The following OSBPL3 variants were observed in gnomAD, a reference collection of about 807,000 sequenced individuals.
OSBPL3 encodes the protein oxysterol binding protein like 3, also known as oxysterol-binding protein-related protein 3.
Under a neutral mutation model 120.1 loss-of-function variants are expected in OSBPL3, and 65 were observed. The ratio of observed to expected loss-of-function variants is 0.54; its 90% confidence interval spans 0.44 to 0.67. OSBPL3 has a LOEUF of 0.67. OSBPL3 is among the 30% of genes least tolerant of loss of function. The probability of loss-of-function intolerance (pLI) is 0.00; values close to 1 mark genes in which losing one functional copy is unlikely to be tolerated. For synonymous variants in OSBPL3, 416 were observed against 402.6 expected (o/e 1.03, Z -0.40); for missense variants, 1,004 against 1,082.1 (o/e 0.93, Z 1.01).
intron 1 of OSBPL3, among the ~76,000 whole-genome samples, chr7:24,920,362 A>T (rs1411666651): frequency 6.6e-6 from 1 of 152,254 alleles, no homozygotes; most frequent in East Asian, 1.9e-4. Flanking sequence ...AAAACATTAC[A>T]CTAAGTGAAG....
rs1293508714 is a variant in OSBPL3, at chr7:24,852,108, T to C, written c.1158+396A>G. ...ATTGGAAATTTCACTCTGCCACCTG[T>C]CATTTGGAAAGTAAGGCTAAGCTTG... On this transcript the variant is annotated intron_variant, in intron 11 of 22. Transcript: ENST00000313367. This position sits in a 1 kb window ranked among gnomAD's most constrained non-coding sequence, Gnocchi z 4.1. Among the ~76,000 whole-genome samples, 3 of 152,224 alleles carry C rather than the reference T, an allele frequency of 2.0e-5. No individual in the cohort carries two copies. Among genetic ancestry groups the C allele is most frequent in the Non-Finnish European group, 2.9e-5 (2 of 68,040 alleles).
At chr7:24,828,716 G>A (rs1374168708) in intron 16 of OSBPL3, among the ~76,000 whole-genome samples, 1 of 148,582 alleles carries the variant, frequency 6.7e-6, no homozygotes, top group Non-Finnish European at 1.5e-5. Context: ...TTTTGTTTAA[G>A]CCTTACTACA....
rs1241955889 is a variant in OSBPL3 at position 24,808,293 on chromosome 7, T to G, written c.2318-1391A>C. Among the ~76,000 whole-genome samples, 1 of 152,216 alleles carries G rather than the reference T, an allele frequency of 6.6e-6. No homozygotes were observed. Among genetic ancestry groups the G allele is most frequent in the Non-Finnish European group, 1.5e-5 (1 of 68,040 alleles). On this transcript the variant is annotated intron_variant, in intron 20 of 22. Transcript: ENST00000313367. The surrounding 1 kb of genome is among the most constrained non-coding windows in gnomAD (Gnocchi z 4.6). Reference sequence around the variant, plus strand: ...ATAAAAATAGTAGCAAAGTTTCCTATGGTGTCTTGGTCAGCTCCCCAGTAA... The same window carrying G: ...ATAAAAATAGTAGCAAAGTTTCCTAGGGTGTCTTGGTCAGCTCCCCAGTAA...
Position 24,834,506 on chromosome 7 carries a change from G to T in OSBPL3, c.1726C>A (p.Pro576Thr), listed in dbSNP as rs776099067. Residue 576 changes from proline to threonine, a missense_variant, in exon 15 of 23, where the codon CCC becomes ACC. This residue lies in a region of OSBPL3 where 473 missense variants were observed against 568.0 expected (regional missense o/e 0.83). Coordinates refer to ENST00000313367, the MANE Select transcript of OSBPL3 (RefSeq NM_015550.4). The surrounding 1 kb of genome is among the most constrained non-coding windows in gnomAD (Gnocchi z 5.2). The part of the protein sequence containing the change: ...SELLDKAAQI[P>T]SPLERMVYVA... ...CTCACCATCCTTTCCAGGGGGCTGG[G>T]AATCTGCGCGGCCTTGTCCAGGAGC... The T allele has an allele frequency of 2.4e-5, 38 of 1,611,956 alleles. No homozygotes were observed. The highest frequency in any genetic ancestry group is 3.3e-5 in the Admixed American group (2 of 59,860).
Position 24,852,530 on chromosome 7 carries a change from T to A in OSBPL3, c.1132A>T (p.Ile378Phe). The change falls in exon 11 of 23, where the codon ATT becomes TTT. Residue 378 changes from isoleucine (I) to phenylalanine (F), a missense_variant. Ile to Phe is a conservative substitution (Grantham distance 21, BLOSUM62 0). Transcript: ENST00000313367. This position sits in a 1 kb window ranked among gnomAD's most constrained non-coding sequence, Gnocchi z 4.1. Reference sequence around the variant, plus strand: ...GATGACAGGGCGTTCTTCAGACCAATGACCTGAGCAGACGGGGAGGAGGAG... The same window carrying A: ...GATGACAGGGCGTTCTTCAGACCAAAGACCTGAGCAGACGGGGAGGAGGAG... ...DASSSPSAQV[I>F]GLKNALSSAL... 1 of 1,598,364 alleles carries A rather than the reference T, an allele frequency of 6.3e-7. No individual in the cohort carries two copies.
chr7:24,826,823 C>T (rs1293526794), intron 16 of OSBPL3, among the ~76,000 whole-genome samples: 5 of 152,140 alleles, frequency 3.3e-5, no homozygotes, highest in South Asian at 2.1e-4. Flanking sequence ...GTCTTTTAGA[C>T]GAGAAACAAT....
In OSBPL3 at chr7:24,804,424, C is replaced by G. The variant is rs779633312; in HGVS notation, c.2458G>C (p.Gly820Arg). 1 of 1,613,776 alleles carries G rather than the reference C, an allele frequency of 6.2e-7. No homozygotes were observed. Among genetic ancestry groups the G allele is most frequent in the Middle Eastern group, 1.7e-4 (1 of 6,052 alleles). ...TGTATTTCAGCTTCTTCTAAGTTCC[C>G]TTCCTCTAGAAACCTGAGGCATCGA... ...FRPDQRFLEE[G>R]NLEEAEIQKQ... Residue 820 changes from glycine to arginine, a missense_variant, in exon 22 of 23, where the codon GGG (glycine) becomes CGG (arginine). Coordinates refer to ENST00000313367, the MANE Select transcript of OSBPL3 (RefSeq NM_015550.4). The surrounding 1 kb of genome is among the most constrained non-coding windows in gnomAD (Gnocchi z 5.4).
intron 10 of OSBPL3, among the ~76,000 whole-genome samples, chr7:24,858,507 G>A (rs1003065341): frequency 2.6e-5 from 4 of 152,194 alleles, no homozygotes; most frequent in African/African-American, 9.7e-5. Flanking sequence ...CCCTGAACCA[G>A]GAAAAGGAAG....
At chr7:24,850,483 G>A (rs1799011363) in intron 11 of OSBPL3, among the ~76,000 whole-genome samples, 1 of 152,194 alleles carries the variant, frequency 6.6e-6, no homozygotes, top group Admixed American at 6.5e-5. Flanking sequence ...AGGGCCTGCA[G>A]GACCGACCTG....
In OSBPL3 at chr7:24,872,564, G is replaced by C. The variant is rs1037206552; in HGVS notation, c.97-495C>G. Among the ~76,000 whole-genome samples, 2 of 151,586 alleles carry C rather than the reference G, an allele frequency of 1.3e-5. No homozygotes were observed. Among genetic ancestry groups the C allele is most frequent in the African/African-American group, 2.4e-5 (1 of 41,256 alleles). Reference sequence around the variant, plus strand: ...TGCAAATCAGTAAATATGACAACTTGATTGAAATAATTATTTTGTTGAAAA... The same window carrying C: ...TGCAAATCAGTAAATATGACAACTTCATTGAAATAATTATTTTGTTGAAAA... On this transcript the variant is annotated intron_variant, in intron 2 of 22. Transcript: ENST00000313367. The surrounding 1 kb of genome is among the most constrained non-coding windows in gnomAD (Gnocchi z 4.1).
At chr7:24,927,278 G>A (rs1275494988) in intron 1 of OSBPL3, among the ~76,000 whole-genome samples, 1 of 152,164 alleles carries the variant, frequency 6.6e-6, no homozygotes, top group African/African-American at 2.4e-5. Flanking sequence ...TTTCTGAATA[G>A]CATTTTTATA....
intron 16 of OSBPL3, among the ~76,000 whole-genome samples, chr7:24,828,776 TA>T (rs35580280): frequency 1.3e-5 from 2 of 151,404 alleles, no homozygotes; most frequent in African/African-American, 4.8e-5. Flanking sequence ...TTTTTTTTTT[TA>T]AAAAGGAAGG....
At chr7:24,917,468 TACAC>T (rs10573041) in intron 1 of OSBPL3, among the ~76,000 whole-genome samples, 35,225 of 111,488 alleles carry the variant, frequency 0.32, 6,024 homozygotes, top group East Asian at 0.56. Flanking sequence ...TATATATATA[TACAC>T]ACACACACAC....
rs1347615003 is a variant in OSBPL3, at chr7:24,867,769, T to G, written c.382-1532A>C. Among the ~76,000 whole-genome samples, 3 of 152,300 alleles carry G rather than the reference T, an allele frequency of 2.0e-5. No homozygotes were observed. The highest frequency in any genetic ancestry group is 7.2e-5 in the African/African-American group (3 of 41,572). ...ACAATATGTTAATGAATGTGAAAGT[T>G]ATTTAAAAAAACATTTCTCCCACTC... On this transcript the variant is annotated intron_variant, in intron 5 of 22. Coordinates refer to ENST00000313367, the MANE Select transcript of OSBPL3 (RefSeq NM_015550.4). This position sits in a 1 kb window ranked among gnomAD's most constrained non-coding sequence, Gnocchi z 4.5.
At position 24,821,076 on chromosome 7, in the gene OSBPL3, A is replaced by C. The variant is rs189887844; in HGVS notation, c.1885-838T>G. 2.0e-5 allele frequency among the ~76,000 whole-genome samples: 3 copies of C among 152,352 alleles called. No individual in the cohort carries two copies. Among genetic ancestry groups the C allele is most frequent in the Non-Finnish European group, 4.4e-5 (3 of 68,020 alleles). ...ACTCAGGGAACGTTGAGAGGTGTAT[A>C]TGCTGTCATTCTAATTCAGCACTGG... On this transcript the variant is annotated intron_variant, in intron 16 of 22. Transcript: ENST00000313367. This position sits in a 1 kb window ranked among gnomAD's most constrained non-coding sequence, Gnocchi z 5.5.
At position 24,937,699 on chromosome 7, in the gene OSBPL3, C is replaced by A. The variant is rs1037952473; in HGVS notation, c.-150+42187G>T. 1.3e-5 allele frequency among the ~76,000 whole-genome samples: 2 copies of A among 152,152 alleles called. No individual in the cohort carries two copies. The highest frequency in any genetic ancestry group is 2.4e-5 in the African/African-American group (1 of 41,426). On this transcript the variant is annotated intron_variant, in intron 1 of 22. Coordinates refer to ENST00000313367, the MANE Select transcript of OSBPL3 (RefSeq NM_015550.4). The surrounding 1 kb of genome is among the most constrained non-coding windows in gnomAD (Gnocchi z 4.0). ...CTATCAGGCATAAAACATGAAACACCTTAAACCTAACTAATTACTTATTAC... is the reference window on the plus strand; with the variant it reads ...CTATCAGGCATAAAACATGAAACACATTAAACCTAACTAATTACTTATTAC...
Position 24,863,163 on chromosome 7 carries a change from A to T in OSBPL3, c.870+37T>A. On this transcript the variant is annotated intron_variant, in intron 9 of 22. Coordinates refer to ENST00000313367, the MANE Select transcript of OSBPL3 (RefSeq NM_015550.4). This position sits in a 1 kb window ranked among gnomAD's most constrained non-coding sequence, Gnocchi z 5.8. ...GCACACGGCATGCAGAGCAGGGCCAATGAAGAAACCAGTCTGTCAGGGGAA... is the reference window on the plus strand; with the variant it reads ...GCACACGGCATGCAGAGCAGGGCCATTGAAGAAACCAGTCTGTCAGGGGAA... 6 of 1,481,472 alleles carry T rather than the reference A, an allele frequency of 4.1e-6. No homozygotes were observed. In the South Asian group the frequency reaches 6.8e-5, roughly 17 times the overall value. The allele number at this position is 1,481,472 out of a possible 1,614,324, so 91.8% of individuals were successfully genotyped here.
chr7:24,815,187 C>A lies in OSBPL3; in HGVS notation c.2044G>T (p.Glu682Ter). 6 of 1,613,212 alleles carry A rather than the reference C, an allele frequency of 3.7e-6. No homozygotes were observed. Among genetic ancestry groups the A allele is most frequent in the Non-Finnish European group, 5.1e-6 (6 of 1,179,728 alleles). ...VTLPVFGDHF[E>*]WNKVTSCIHN... The stretch of plus-strand genomic sequence containing the variant: ...ATGCAAGAGGTCACTTTGTTCCACT[C>A]AAAATGATCCCCAAAACTAAAAAGA... The change falls in exon 19 of 23, where the codon GAG (glutamate) becomes TAG (stop). Residue 682 changes from glutamate (E) to a stop codon, truncating the protein, a stop_gained. Coordinates refer to ENST00000313367, the MANE Select transcript of OSBPL3 (RefSeq NM_015550.4). LOFTEE classifies it high-confidence loss of function. This position sits in a 1 kb window ranked among gnomAD's most constrained non-coding sequence, Gnocchi z 5.1.
chr7:24,874,995 G>A (rs1344811359), intron 2 of OSBPL3, among the ~76,000 whole-genome samples: 1 of 152,206 alleles, frequency 6.6e-6, no homozygotes, highest in African/African-American at 2.4e-5. Flanking sequence ...CAATGATAGG[G>A]AGATGCCTCT....
Sources: gnomAD v4.1 joint callset for allele counts (sites outside exome capture counted in the v4.1 genomes callset) on GRCh38, gnomAD v4.1.1 for gene constraint, gnomAD v4.1.1 regional missense constraint, Gnocchi (gnomAD v3.1) non-coding constraint, MANE v1.5 for transcripts, NCBI Gene and HGNC (gene_info 2026-07-23, HGNC 2026-07-21) for gene names.